MINDY2: variants seen among roughly 807,000 people sequenced by gnomAD.
MINDY2 encodes the protein ubiquitin carboxyl-terminal hydrolase MINDY-2.
MINDY2 carries 52 observed loss-of-function variants against 68.2 expected under a neutral mutation model. The ratio of observed to expected loss-of-function variants is 0.76; its 90% CI spans 0.61 to 0.96. The LOEUF (loss-of-function observed/expected upper bound fraction) is 0.96, where lower values mean the gene tolerates loss of function less well. Ranked by LOEUF, MINDY2 falls within the 40% of genes least tolerant of loss-of-function variation. The pLI is 0.00. For synonymous variants in MINDY2, 372 were observed against 303.0 expected (o/e 1.23, Z -2.36); for missense variants, 881 against 773.4 (o/e 1.14, Z -1.65).
chr15:58,843,689 C>T (rs1234726863), intron 6 of MINDY2, among the ~76,000 whole-genome samples: 2 of 151,828 alleles, frequency 1.3e-5, no homozygotes, highest in African/African-American at 4.8e-5. Flanking sequence ...CAAAAATTAG[C>T]CGGGCGTGGT....
intron 6 of MINDY2, among the ~76,000 whole-genome samples, chr15:58,833,456 A>AG (rs1193974453): frequency 2.0e-5 from 3 of 152,228 alleles, no homozygotes; most frequent in Non-Finnish European, 4.4e-5. Flanking sequence ...AAGGGGGCCC[A>AG]GGGGACCAGC....
At chr15:58,807,499 A>C (rs111525768) in intron 3 of MINDY2, among the ~76,000 whole-genome samples, 7 of 151,730 alleles carry the variant, frequency 4.6e-5, no homozygotes, top group Admixed American at 4.6e-4. Context: ...GAGAGAGACT[A>C]CAGGCGCCCG....
intron 3 of MINDY2, among the ~76,000 whole-genome samples, chr15:58,806,271 A>G (rs1595732182): frequency 6.6e-6 from 1 of 150,676 alleles, no homozygotes; most frequent in Non-Finnish European, 1.5e-5. Context: ...ATGGCATTTC[A>G]CCATGTTGGC....
chr15:58,798,237 T>C (rs1902409793), intron 2 of MINDY2, among the ~76,000 whole-genome samples: 1 of 151,806 alleles, frequency 6.6e-6, no homozygotes, highest in South Asian at 2.1e-4. Context: ...CTGCCTCAGC[T>C]ACCCGAGCAG....
intron 6 of MINDY2, among the ~76,000 whole-genome samples, chr15:58,843,556 G>A (rs1191658225): frequency 6.6e-6 from 1 of 152,100 alleles, no homozygotes; most frequent in Non-Finnish European, 1.5e-5. Flanking sequence ...AACCTATTCT[G>A]TCCAGAAATA....
intron 6 of MINDY2, among the ~76,000 whole-genome samples, chr15:58,837,745 C>T (rs2032067999): frequency 6.6e-6 from 1 of 151,790 alleles, no homozygotes; most frequent in East Asian, 1.9e-4. Context: ...GTGGGAAGAT[C>T]ACTTGAGCCC....
chr15:58,822,316 A>G (rs2031115794), intron 5 of MINDY2, among the ~76,000 whole-genome samples: 1 of 151,680 alleles, frequency 6.6e-6, no homozygotes, highest in Non-Finnish European at 1.5e-5. Flanking sequence ...TTTTCCTAGA[A>G]CTCTTTTTCA....
intron 5 of MINDY2, among the ~76,000 whole-genome samples, chr15:58,826,759 AT>A (rs2031422173): frequency 6.6e-6 from 1 of 152,032 alleles, no homozygotes; most frequent in South Asian, 2.1e-4. Context: ...ATAGCTTTTA[AT>A]TTTTTTCAAT....
chr15:58,815,886 GT>G (rs1199909195), intron 4 of MINDY2, among the ~76,000 whole-genome samples: 2 of 151,484 alleles, frequency 1.3e-5, no homozygotes, highest in African/African-American at 4.9e-5. Context: ...CATCATGTTG[GT>G]CAGGATGGTC....
chr15:58,805,813 T>G (rs1419810060), intron 3 of MINDY2, among the ~76,000 whole-genome samples: 1 of 152,162 alleles, frequency 6.6e-6, no homozygotes, highest in Non-Finnish European at 1.5e-5. Context: ...CAGTGGCACA[T>G]GCCTGTAATC....
intron 2 of MINDY2, among the ~76,000 whole-genome samples, chr15:58,795,314 A>G (rs955566256): frequency 2.0e-5 from 3 of 152,132 alleles, no homozygotes; most frequent in African/African-American, 4.8e-5. Context: ...TCTTTTCGTT[A>G]TTGCCATTCT....
rs558300565 is a variant in MINDY2 at position 58,835,044 on chromosome 15, C to G, written c.1368+3128C>G. Among the ~76,000 whole-genome samples, 6 of 152,194 alleles carry G rather than the reference C, an allele frequency of 3.9e-5. No homozygotes were observed. The East Asian group carries it at 9.7e-4, about 24-fold the overall frequency. On this transcript the variant is annotated intron_variant, in intron 6 of 8. Coordinates refer to ENST00000559228, the MANE Select transcript of MINDY2 (RefSeq NM_001040450.3). ...TCTTACTTAACCTGACCTCTCAAGT[C>G]TAGGATTTATTCATTTATTTAACAA... is the stretch of plus-strand genomic sequence containing the variant.
At chr15:58,795,842 C>T (rs1902248773) in intron 2 of MINDY2, among the ~76,000 whole-genome samples, 1 of 151,868 alleles carries the variant, frequency 6.6e-6, no homozygotes, top group Admixed American at 6.6e-5. Context: ...TGCAACATTA[C>T]CTCTGCTAAA....
At chr15:58,809,675 C>G (rs1256886508) in intron 3 of MINDY2, among the ~76,000 whole-genome samples, 1 of 152,192 alleles carries the variant, frequency 6.6e-6, no homozygotes, top group East Asian at 1.9e-4. Flanking sequence ...CTCTACAACT[C>G]CATCTTGTTC....
chr15:58,830,753 GC>G (rs1210446934), intron 5 of MINDY2, among the ~76,000 whole-genome samples: 4 of 152,002 alleles, frequency 2.6e-5, no homozygotes, highest in Non-Finnish European at 4.4e-5. Flanking sequence ...GAAAAACATG[GC>G]ACTAAATAGA....
Position 58,847,418 on chromosome 15 carries a change from C to T in MINDY2, c.1490C>T (p.Pro497Leu), listed in dbSNP as rs2032590331. The change falls in exon 7 of 9, where the codon CCT (proline) becomes CTT (leucine). Residue 497 changes from proline (P) to leucine (L), a missense_variant. Pro to Leu is a moderately conservative substitution (Grantham distance 98). Coordinates refer to ENST00000559228, the MANE Select transcript of MINDY2 (RefSeq NM_001040450.3). ...NFCDSEFHLRPPSDPETVYKG... is the reference protein window; with the variant it reads ...NFCDSEFHLRLPSDPETVYKG... ...TGTGACTCAGAATTTCATCTTCGACCTCCTTCAGATCCTGAAACTGTATAC... is the reference window on the plus strand; with the variant it reads ...TGTGACTCAGAATTTCATCTTCGACTTCCTTCAGATCCTGAAACTGTATAC... 1.2e-6 allele frequency: 2 copies of T among 1,605,604 alleles called. No individual in the cohort carries two copies. The highest frequency in any genetic ancestry group is 1.7e-5 in the Admixed American group (1 of 59,922).
At chr15:58,780,327 C>T (rs1595700556) in intron 1 of MINDY2, among the ~76,000 whole-genome samples, 1 of 151,902 alleles carries the variant, frequency 6.6e-6, no homozygotes, top group African/African-American at 2.4e-5. Flanking sequence ...TCACTTTAAC[C>T]TGGGAGGGAG....
intron 6 of MINDY2, among the ~76,000 whole-genome samples, chr15:58,840,628 CTTATTATTATTATTATTATTATTA>C (rs71119408): frequency 1.9e-4 from 27 of 139,266 alleles, no homozygotes; most frequent in South Asian, 6.9e-4. Flanking sequence ...TATTTATTTA[CTTATTATTATTATTATTATTATTA>C]TTATTATTAT....
intron 4 of MINDY2, among the ~76,000 whole-genome samples, chr15:58,817,316 CAA>C (rs2030750729): frequency 6.6e-6 from 1 of 152,178 alleles, no homozygotes; most frequent in African/African-American, 2.4e-5. Flanking sequence ...AGGCACTTCA[CAA>C]AAACAGATAT....
Sources: allele counts gnomAD v4.1 joint callset (sites outside exome capture counted in the v4.1 genomes callset), GRCh38; gene constraint gnomAD v4.1.1; transcripts MANE v1.5; gene names NCBI Gene and HGNC (gene_info 2026-07-23, HGNC 2026-07-21).